IQSEC3: variants seen among roughly 807,000 people sequenced by gnomAD.
The protein encoded by IQSEC3 is IQ motif and Sec7 domain ArfGEF 3.
IQSEC3 carries 50 observed loss-of-function variants against 105.4 expected under a neutral mutation model. The ratio of observed to expected loss-of-function variants is 0.47; its 90% CI spans 0.38 to 0.60. IQSEC3 has a LOEUF of 0.60. Among genes scored for constraint, IQSEC3 ranks in the 20% least tolerant of loss-of-function variants. The pLI is 0.00. For missense variants in IQSEC3, 1,415 were observed against 1,630.0 expected (o/e 0.87, Z 2.27); for synonymous variants, 708 against 746.0 (o/e 0.95, Z 0.83).
intron 1 of IQSEC3, among the ~76,000 whole-genome samples, chr12:92,694 A>G (rs1482817915): frequency 1.3e-5 from 2 of 152,080 alleles, no homozygotes; most frequent in Non-Finnish European, 2.9e-5. Context: ...ACCCTGTCTC[A>G]CTCTGCTGTA....
chr12:104,494 G>C (rs782068789), intron 2 of IQSEC3, among the ~76,000 whole-genome samples: 28 of 152,226 alleles, frequency 1.8e-4, no homozygotes, highest in Non-Finnish European at 3.7e-4. Context: ...TAATATTTTA[G>C]TGTGCAGCCT....
Position 174,888 on chromosome 12 carries a change from G to C in IQSEC3, c.3404G>C (p.Gly1135Ala). Residue 1135 changes from glycine to alanine, a missense_variant, in exon 14 of 14, where the codon GGC (glycine) becomes GCC (alanine). By Grantham distance (60) the Gly-to-Ala change is moderately conservative. Transcript: ENST00000538872. ...SSDSCGSTPL[G>A]GPGSPVKVTH... ...GACTCCTGCGGCTCCACACCCCTGG[G>C]CGGTCCCGGCTCTCCGGTCAAGGTC... 1.9e-6 allele frequency: 3 copies of C among 1,571,552 alleles called. No individual in the cohort carries two copies. The highest frequency in any genetic ancestry group is 1.7e-6 in the Non-Finnish European group (2 of 1,167,352).
chr12:172,625 C>CCT (rs1939068003), intron 13 of IQSEC3, among the ~76,000 whole-genome samples: 1 of 152,352 alleles, frequency 6.6e-6, no homozygotes, highest in East Asian at 1.9e-4. Flanking sequence ...TCTCCTCTGC[C>CCT]CTCTCTCTGC....
intron 11 of IQSEC3, chr12:166,281 T>C (rs1412149223): frequency 4.5e-6 from 1 of 223,124 alleles, no homozygotes; most frequent in Non-Finnish European, 8.7e-6. Context: ...CCCAAGTCTG[T>C]ACACTGCATC....
In IQSEC3 at chr12:139,115, G is replaced by A; in HGVS notation, c.1752G>A (p.Gly584=). 2 of 1,511,176 alleles carry A rather than the reference G, an allele frequency of 1.3e-6. No individual in the cohort carries two copies. Among genetic ancestry groups the A allele is most frequent in the Non-Finnish European group, 1.8e-6 (2 of 1,127,854 alleles). The allele number at this position is 1,511,176 out of a possible 1,614,324, so 93.6% of individuals were successfully genotyped here. The change falls in exon 4 of 14, where the codon GGG becomes GGA. Residue 584 remains glycine (G), a synonymous_variant. Coordinates refer to ENST00000538872, the MANE Select transcript of IQSEC3 (RefSeq NM_001170738.2). The part of the protein sequence containing the change: ...EEEEEETAEV[G]RGAEAEAGDL... ...AGGAGGAGGAGACGGCGGAGGTGGGGAGAGGGGCCGAGGCCGAGGCAGGCG... is the reference window on the plus strand; with the variant it reads ...AGGAGGAGGAGACGGCGGAGGTGGGAAGAGGGGCCGAGGCCGAGGCAGGCG...
chr12:96,468 G>A, intron 1 of IQSEC3, among the ~76,000 whole-genome samples: 1 of 152,216 alleles, frequency 6.6e-6, no homozygotes, highest in African/African-American at 2.4e-5. Context: ...TCTACAGAAT[G>A]TAGATTTTCC....
intron 1 of IQSEC3, among the ~76,000 whole-genome samples, chr12:76,919 A>G (rs1480230861): frequency 6.6e-6 from 1 of 152,260 alleles, no homozygotes; most frequent in Non-Finnish European, 1.5e-5. Flanking sequence ...ACCTGCCTCC[A>G]ATCAGGAATG....
intron 1 of IQSEC3, among the ~76,000 whole-genome samples, chr12:72,114 A>C (rs1371455000): frequency 2.0e-5 from 3 of 152,078 alleles, no homozygotes; most frequent in Non-Finnish European, 1.5e-5. Flanking sequence ...CTCTTTCCTC[A>C]CTCCCAATCT....
At chr12:72,785 C>T (rs1342923910) in intron 1 of IQSEC3, among the ~76,000 whole-genome samples, 1 of 110,530 alleles carries the variant, frequency 9.0e-6, no homozygotes, top group Non-Finnish European at 2.0e-5. Flanking sequence ...TGGCTCACGC[C>T]TGTCATCCCA....
chr12:165,160 A>G (rs1867105341), intron 9 of IQSEC3, among the ~76,000 whole-genome samples: 1 of 152,262 alleles, frequency 6.6e-6, no homozygotes, highest in Non-Finnish European at 1.5e-5. Context: ...AGAAGGCCAG[A>G]GTAAGGCAAG....
At chr12:121,996 G>A (rs191681165) in intron 2 of IQSEC3, among the ~76,000 whole-genome samples, 1 of 152,276 alleles carries the variant, frequency 6.6e-6, no homozygotes, top group East Asian at 1.9e-4. Context: ...TGCCCTCCAC[G>A]ATGTTATCTT....
Position 83,928 on chromosome 12 carries a change from A to G in IQSEC3, c.555-15218A>G, listed in dbSNP as rs143877865. On this transcript the variant is annotated intron_variant, in intron 1 of 13. Coordinates refer to ENST00000538872, the MANE Select transcript of IQSEC3 (RefSeq NM_001170738.2). ...TGCATTTGTTATCTCATTTATCCAC[A>G]TGGTACTGACGGGAAGATATTACAG... 6.2e-3 allele frequency among the ~76,000 whole-genome samples: 952 copies of G among 152,322 alleles called. 8 individuals are homozygous for G. The highest frequency in any genetic ancestry group is 7.7e-3 in the Non-Finnish European group (525 of 68,038).
chr12:116,365 A>G (rs1865048521), intron 2 of IQSEC3, among the ~76,000 whole-genome samples: 1 of 152,104 alleles, frequency 6.6e-6, no homozygotes, highest in Non-Finnish European at 1.5e-5. Flanking sequence ...AGGGACCCCA[A>G]AGGCACTCGC....
chr12:78,106 C>G (rs1182380492), intron 1 of IQSEC3, among the ~76,000 whole-genome samples: 2 of 150,904 alleles, frequency 1.3e-5, no homozygotes, highest in Non-Finnish European at 3.0e-5. Flanking sequence ...GGAAGCGCGG[C>G]CCGGGCGCCC....
chr12:74,481 G>A (rs1204543047), intron 1 of IQSEC3, among the ~76,000 whole-genome samples: 2 of 152,400 alleles, frequency 1.3e-5, no homozygotes, highest in East Asian at 3.9e-4. Context: ...GGGTGGGGGT[G>A]GAGGGCAGAC....
chr12:175,071 C>T lies in IQSEC3; in HGVS notation c.*38C>T, dbSNP rs1453779162. ...CACCCTGCTGTCCTGGGAGGGCTGG[C>T]CACTGGGGGGCCTGGGCTGCCCCTC... On this transcript the variant is annotated 3_prime_UTR_variant, in exon 14 of 14. Coordinates refer to ENST00000538872, the MANE Select transcript of IQSEC3 (RefSeq NM_001170738.2). 5.5e-6 allele frequency: 8 copies of T among 1,450,312 alleles called. No individual in the cohort carries two copies. In the South Asian group the frequency reaches 1.1e-4, roughly 20 times the overall value. 89.8% of individuals were successfully genotyped at this position (1,450,312 alleles called of 1,614,324 possible).
chr12:129,773 C>T (rs1346067145), intron 3 of IQSEC3, among the ~76,000 whole-genome samples: 1 of 152,140 alleles, frequency 6.6e-6, no homozygotes, highest in African/African-American at 2.4e-5. Context: ...GGGCCCTGCT[C>T]CCCGAGCCGG....
intron 2 of IQSEC3, among the ~76,000 whole-genome samples, chr12:102,778 C>T (rs979394350): frequency 2.0e-5 from 3 of 152,168 alleles, no homozygotes; most frequent in Non-Finnish European, 4.4e-5. Context: ...CATCTGGAAG[C>T]GTGGGTGTCT....
Position 66,938 on chromosome 12 carries a change from C to A in IQSEC3, c.56C>A (p.Thr19Lys), listed in dbSNP as rs1555065430. The A allele has an allele frequency of 3.9e-6, 6 of 1,523,372 alleles. No individual in the cohort carries two copies. The highest frequency in any genetic ancestry group is 5.3e-6 in the Non-Finnish European group (6 of 1,141,636). 94.4% of individuals were successfully genotyped at this position (1,523,372 alleles called of 1,614,324 possible). A position where few individuals can be genotyped will look rare whatever the true frequency, so the allele number is the denominator to read the frequency against. The change falls in exon 1 of 14, where the codon ACG (threonine) becomes AAG (lysine). Residue 19 changes from threonine (T) to lysine (K), a missense_variant. Physicochemically the swap from Thr to Lys is moderately conservative, Grantham distance 78. This residue lies in a region of IQSEC3 where 34 missense variants were observed against 80.3 expected (regional missense o/e 0.42). Transcript: ENST00000538872. ...VRAVLYLKEL[T>K]AIVQNQQSLI... ...GCCGTGCTCTACCTCAAGGAGCTCA[C>A]GGCCATCGTGCAGAACCAGCAGAGC...
Sources: gnomAD v4.1 joint callset for allele counts (sites outside exome capture counted in the v4.1 genomes callset) on GRCh38, gnomAD v4.1.1 for gene constraint, gnomAD v4.1.1 regional missense constraint, MANE v1.5 for transcripts, NCBI Gene and HGNC (gene_info 2026-07-23, HGNC 2026-07-21) for gene names.